Variants in ADGRA3 observed in about 807,000 individuals in gnomAD.
ADGRA3 encodes adhesion G protein-coupled receptor A3, also known as G-protein coupled receptor 125.
ADGRA3 carries 56 observed loss-of-function variants against 119.8 expected under a neutral mutation model. That is an observed-to-expected ratio of 0.47 (90% CI 0.38 to 0.58). The LOEUF (loss-of-function observed/expected upper bound fraction) is 0.58, where lower values mean the gene tolerates loss of function less well. Among genes scored for constraint, ADGRA3 ranks in the 20% least tolerant of loss-of-function variants. The pLI is 0.00. For missense variants in ADGRA3, 1,516 were observed against 1,649.0 expected (o/e 0.92, Z 1.40); for synonymous variants, 607 against 623.8 (o/e 0.97, Z 0.40).
At chr4:22,447,368 TAA>T in intron 5 of ADGRA3, 70 bp downstream of exon 5, 2 of 930,646 alleles carry the variant, frequency 2.1e-6, no homozygotes, top group Non-Finnish European at 3.3e-6. Context: ...TGAAACCACA[TAA>T]TAAATGTTTT....
intron 10 of ADGRA3, among the ~76,000 whole-genome samples, chr4:22,433,003 C>T (rs57343957): frequency 0.038 from 5,744 of 152,196 alleles, 374 homozygotes; most frequent in African/African-American, 0.13. Context: ...TAAAATGAAG[C>T]CCTCAAGCCT....
chr4:22,447,768 A>C (rs1716883990), intron 4 of ADGRA3, among the ~76,000 whole-genome samples: 1 of 152,202 alleles, frequency 6.6e-6, no homozygotes, highest in Non-Finnish European at 1.5e-5. Context: ...TTTCTGTCAA[A>C]TATCAGGTGA....
intron 3 of ADGRA3, among the ~76,000 whole-genome samples, chr4:22,458,085 G>T (rs1426148126): frequency 6.6e-6 from 1 of 152,166 alleles, no homozygotes; most frequent in Non-Finnish European, 1.5e-5. Context: ...TATTCTAAAA[G>T]TTCTCATACT....
intron 1 of ADGRA3, among the ~76,000 whole-genome samples, chr4:22,491,947 A>G (rs1177986766): frequency 6.6e-6 from 1 of 152,222 alleles, no homozygotes; most frequent in Non-Finnish European, 1.5e-5. Context: ...AGAGTTCCCA[A>G]TCGTCAGATC....
intron 1 of ADGRA3, among the ~76,000 whole-genome samples, chr4:22,495,300 ACAG>A (rs1417565561): frequency 6.6e-6 from 1 of 152,066 alleles, no homozygotes; most frequent in Non-Finnish European, 1.5e-5. Flanking sequence ...ATGGCTGCGC[ACAG>A]TGGCGCACAC....
At chr4:22,406,229 G>A (rs1043306214) in intron 14 of ADGRA3, among the ~76,000 whole-genome samples, 1 of 152,072 alleles carries the variant, frequency 6.6e-6, no homozygotes, top group African/African-American at 2.4e-5. Context: ...ATGGACTGAT[G>A]GACACTTAAC....
At chr4:22,497,590 G>A (rs1443187409) in intron 1 of ADGRA3, among the ~76,000 whole-genome samples, 2 of 152,046 alleles carry the variant, frequency 1.3e-5, no homozygotes, top group Non-Finnish European at 2.9e-5. Flanking sequence ...CGGAAGCCAA[G>A]GCGGGAAGAT....
Position 22,515,801 on chromosome 4 carries a change from T to A in ADGRA3, c.-17A>T, listed in dbSNP as rs898236662. ...TGGCTCCATGCTGCGGGCCGGGGCC[T>A]GCGGGGCGAGCGGCGGCGCACTGGC... On this transcript the variant is annotated 5_prime_UTR_variant, in exon 1 of 19. Transcript: ENST00000334304. 2 of 995,190 alleles carry A rather than the reference T, an allele frequency of 2.0e-6. No homozygotes were observed. Among genetic ancestry groups the A allele is most frequent in the Non-Finnish European group, 2.4e-6 (2 of 840,002 alleles). 61.6% of individuals were successfully genotyped at this position (995,190 alleles called of 1,614,324 possible).
At chr4:22,421,306 C>A (rs1280361433) in intron 11 of ADGRA3, among the ~76,000 whole-genome samples, 1 of 147,156 alleles carries the variant, frequency 6.8e-6, no homozygotes. Context: ...GGAAGGGAGA[C>A]CAAAAAAAAG....
chr4:22,503,113 G>C (rs1447670579), intron 1 of ADGRA3, among the ~76,000 whole-genome samples: 2 of 152,140 alleles, frequency 1.3e-5, no homozygotes, highest in Non-Finnish European at 2.9e-5. Context: ...CCTAAGGAAT[G>C]AAGAGCCAGC....
At chr4:22,403,485 C>T (rs1714759159) in intron 14 of ADGRA3, among the ~76,000 whole-genome samples, 1 of 151,976 alleles carries the variant, frequency 6.6e-6, no homozygotes, top group Non-Finnish European at 1.5e-5. Context: ...CACCTGTAAT[C>T]CCAGCACTTT....
intron 14 of ADGRA3, 107 bp downstream of exon 14, chr4:22,413,075 T>TA (rs74406494): frequency 0.056 from 39,921 of 709,916 alleles, 1,061 homozygotes; most frequent in African/African-American, 0.13. Flanking sequence ...ATGTTAAAAG[T>TA]AAAAAAAAAA....
At chr4:22,403,158 G>C (rs940141000) in intron 14 of ADGRA3, among the ~76,000 whole-genome samples, 1 of 152,028 alleles carries the variant, frequency 6.6e-6, no homozygotes, top group Non-Finnish European at 1.5e-5. Context: ...TTATCACTCT[G>C]CATAATCACT....
At chr4:22,439,777 A>T (rs75457213) in intron 7 of ADGRA3, among the ~76,000 whole-genome samples, 4,097 of 152,288 alleles carry the variant, frequency 0.027, 183 homozygotes, top group African/African-American at 0.093. Context: ...ATATTTCGTC[A>T]ATGAAAATCA....
chr4:22,479,388 G>A (rs1242528667), intron 1 of ADGRA3, among the ~76,000 whole-genome samples: 6 of 152,094 alleles, frequency 3.9e-5, no homozygotes, highest in East Asian at 3.9e-4. Flanking sequence ...GCGTGAACCC[G>A]GGAGGCGGAG....
At chr4:22,469,323 G>A (rs780444209) in intron 2 of ADGRA3, among the ~76,000 whole-genome samples, 13 of 152,112 alleles carry the variant, frequency 8.5e-5, no homozygotes, top group Non-Finnish European at 1.8e-4. Context: ...TCAATCACTA[G>A]ACTGTTAAGT....
At chr4:22,466,924 C>T (rs74671435) in intron 2 of ADGRA3, among the ~76,000 whole-genome samples, 6,003 of 152,158 alleles carry the variant, frequency 0.039, 206 homozygotes, top group Non-Finnish European at 0.057. Context: ...TACACCAAGG[C>T]TAGGAGACAG....
At chr4:22,496,784 C>T (rs146448703) in intron 1 of ADGRA3, among the ~76,000 whole-genome samples, 1 of 152,322 alleles carries the variant, frequency 6.6e-6, no homozygotes, top group African/African-American at 2.4e-5. Context: ...CAATGCTGGA[C>T]AACCAAAGAA....
chr4:22,405,571 A>C (rs565706393), intron 14 of ADGRA3, among the ~76,000 whole-genome samples: 1 of 151,630 alleles, frequency 6.6e-6, no homozygotes, highest in South Asian at 2.1e-4. Context: ...AAATTAAATT[A>C]AAATTAAAAG....
Sources: gnomAD v4.1 joint callset for allele counts (sites outside exome capture counted in the v4.1 genomes callset) on GRCh38, gnomAD v4.1.1 for gene constraint, MANE v1.5 for transcripts, NCBI Gene and HGNC (gene_info 2026-07-23, HGNC 2026-07-21) for gene names.